Variants in KIDINS220 observed in about 807,000 individuals in gnomAD.
KIDINS220 encodes the protein kinase D-interacting substrate of 220 kDa.
Under a neutral mutation model 157.6 loss-of-function variants are expected in KIDINS220, and 63 were observed. The ratio of observed to expected loss-of-function variants is 0.40; its 90% confidence interval spans 0.33 to 0.49. KIDINS220 has a LOEUF of 0.49. Ranked by LOEUF, KIDINS220 falls within the 20% of genes least tolerant of loss-of-function variation. The pLI is 0.66. For synonymous variants in KIDINS220, 732 were observed against 783.6 expected, an observed-to-expected ratio of 0.93 and a Z score of 1.10; for missense variants, 1,772 against 2,171.2, an observed-to-expected ratio of 0.82 and a Z score of 3.65.
intron 20 of KIDINS220, among the ~76,000 whole-genome samples, chr2:8,777,593 C>G (rs1289529440): frequency 6.6e-6 from 1 of 152,196 alleles, no homozygotes; most frequent in Admixed American, 6.5e-5. Flanking sequence ...GAGCACTGCA[C>G]CTGGCCTGAT....
At chr2:8,829,626 A>T (rs1679321284) in intron 1 of KIDINS220, among the ~76,000 whole-genome samples, 2 of 152,202 alleles carry the variant, frequency 1.3e-5, no homozygotes, top group Admixed American at 1.3e-4. Flanking sequence ...ATGATAGAAG[A>T]AGTGAGGTAA....
chr2:8,820,120 G>A (rs1677711911), intron 2 of KIDINS220, among the ~76,000 whole-genome samples: 1 of 152,138 alleles, frequency 6.6e-6, no homozygotes, highest in Non-Finnish European at 1.5e-5. Flanking sequence ...CAAACCCTGA[G>A]TGACGCGGAG....
chr2:8,814,282 AT>A (rs565757202), intron 4 of KIDINS220, among the ~76,000 whole-genome samples: 34 of 151,110 alleles, frequency 2.3e-4, no homozygotes, highest in Non-Finnish European at 4.0e-4. Flanking sequence ...TTACTAAGGA[AT>A]TTTTTTTTTA....
chr2:8,741,950 T>C (rs1407809037), intron 26 of KIDINS220, among the ~76,000 whole-genome samples: 1 of 152,212 alleles, frequency 6.6e-6, no homozygotes, highest in East Asian at 1.9e-4. Context: ...GCAAAGTCGC[T>C]GAGAGCTGAC....
intron 2 of KIDINS220, among the ~76,000 whole-genome samples, chr2:8,822,245 G>T (rs1437388709): frequency 6.6e-6 from 1 of 151,948 alleles, no homozygotes; most frequent in African/African-American, 2.4e-5. Flanking sequence ...TTTTAAAGCA[G>T]TCCTTCTGGA....
intron 21 of KIDINS220, among the ~76,000 whole-genome samples, chr2:8,772,957 C>T (rs1210815544): frequency 6.6e-6 from 1 of 152,128 alleles, no homozygotes; most frequent in African/African-American, 2.4e-5. Context: ...AAATTCTATC[C>T]TTTCCAATAA....
At position 8,730,722 on chromosome 2, in the gene KIDINS220, A is replaced by G. The variant is rs563165243; in HGVS notation, c.5314T>C (p.Ter1772ArgextTer14). The change falls in exon 30 of 30, where the codon TGA (stop) becomes CGA (arginine). Residue 1772 changes from the stop codon to arginine (R), a stop_lost. Transcript: ENST00000256707. ...CTCTTCTCCTTTGCTTGTTTTTCTC[A>G]AAGAATGCTTTCTCTTTCTTCTCCA... is the stretch of plus-strand genomic sequence containing the variant. ...GFGEERESIL[*>R] 1 of 1,611,608 alleles carries G rather than the reference A, an allele frequency of 6.2e-7. No homozygotes were observed. Among genetic ancestry groups the G allele is most frequent in the South Asian group, 1.1e-5 (1 of 90,760 alleles).
chr2:8,818,746 T>C lies in KIDINS220; in HGVS notation c.156A>G (p.Glu52=). The C allele has an allele frequency of 6.2e-7, 1 of 1,610,728 alleles. No individual in the cohort carries two copies. The highest frequency in any genetic ancestry group is 1.3e-5 in the African/African-American group (1 of 74,950). The part of the protein sequence containing the change: ...LMIAAEQGNL[E]IVKELIKNGA... ...CATTCTTAATTAATTCCTTCACTAT[T>C]TCCAGATTGCCTTGTTCGGCAGCTA... Residue 52 remains glutamate (E), a synonymous_variant, in exon 3 of 30, where the codon GAA becomes GAG. Transcript: ENST00000256707.
chr2:8,825,966 C>T (rs925557849), intron 2 of KIDINS220: 1 of 152,036 alleles, frequency 6.6e-6, no homozygotes, highest in Non-Finnish European at 1.5e-5. Flanking sequence ...CGCCTGTAGT[C>T]CCAACTACTC....
At chr2:8,764,244 G>A (rs1373471314) in intron 22 of KIDINS220, among the ~76,000 whole-genome samples, 1 of 152,110 alleles carries the variant, frequency 6.6e-6, no homozygotes, top group African/African-American at 2.4e-5. Flanking sequence ...GACTCAGAAG[G>A]GACAGGATGG....
chr2:8,741,907 G>C (rs1665676795), intron 26 of KIDINS220, among the ~76,000 whole-genome samples: 1 of 152,198 alleles, frequency 6.6e-6, no homozygotes, highest in African/African-American at 2.4e-5. Flanking sequence ...TTTAAAAAGT[G>C]TGAATGGTGT....
Position 8,744,980 on chromosome 2 carries a change from C to A in KIDINS220, c.3585+2165G>T, listed in dbSNP as rs117853501. 1.4e-4 allele frequency among the ~76,000 whole-genome samples: 22 copies of A among 152,228 alleles called. No individual in the cohort carries two copies. In the East Asian group the frequency reaches 4.2e-3, roughly 29 times the overall value. Reference sequence around the variant, plus strand: ...AAAGTCACTAATATATGCAGAGCACCTTTGTTGAGCTTCTAAACACATCTC... The same window carrying A: ...AAAGTCACTAATATATGCAGAGCACATTTGTTGAGCTTCTAAACACATCTC... On this transcript the variant is annotated intron_variant, in intron 26 of 29. Transcript: ENST00000256707.
At chr2:8,791,577 T>A (rs1245050320) in intron 12 of KIDINS220, among the ~76,000 whole-genome samples, 2 of 152,180 alleles carry the variant, frequency 1.3e-5, no homozygotes, top group Non-Finnish European at 2.9e-5. Flanking sequence ...TTCTTGTCCA[T>A]CACTTACAAG....
intron 26 of KIDINS220, 86 bp downstream of exon 26, chr2:8,747,059 G>A: frequency 1.7e-6 from 2 of 1,186,090 alleles, no homozygotes; most frequent in Non-Finnish European, 2.5e-6. Context: ...GAGTTAGTGA[G>A]CTGCTATCAT....
intron 22 of KIDINS220, 152 bp downstream of exon 22, chr2:8,770,518 T>C (rs1305004842): frequency 2.2e-6 from 1 of 465,000 alleles, no homozygotes; most frequent in Non-Finnish European, 3.7e-6. Context: ...CTAATACAAC[T>C]CCAAAATTAT....
chr2:8,830,802 C>T (rs1285548997), intron 1 of KIDINS220, among the ~76,000 whole-genome samples: 2 of 152,140 alleles, frequency 1.3e-5, no homozygotes, highest in African/African-American at 4.8e-5. Context: ...GCTCTGACTG[C>T]CCAGGCTGGA....
chr2:8,773,873 C>T (rs1226799922), intron 21 of KIDINS220, among the ~76,000 whole-genome samples: 1 of 152,212 alleles, frequency 6.6e-6, no homozygotes, highest in East Asian at 1.9e-4. Flanking sequence ...CCAGAGCCTT[C>T]ACACTTGCTC....
rs11679618 is a variant in KIDINS220 at position 8,831,808 on chromosome 2, C to A, written c.-36-4679G>T. ...ACTTGGTGTTCTAACATAAATGCAA[C>A]AATTTCAAAGAATGCCAACATCAAA... On this transcript the variant is annotated intron_variant, in intron 1 of 29. Coordinates refer to ENST00000256707, the MANE Select transcript of KIDINS220 (RefSeq NM_020738.4). Among the ~76,000 whole-genome samples the A allele has an allele frequency of 5.6e-3, 859 of 152,318 alleles. 7 individuals carry two copies. Among genetic ancestry groups the A allele is most frequent in the Non-Finnish European group, 7.7e-3 (525 of 68,024 alleles).
chr2:8,820,589 T>C (rs1206395396), intron 2 of KIDINS220, among the ~76,000 whole-genome samples: 1 of 152,122 alleles, frequency 6.6e-6, no homozygotes, highest in Non-Finnish European at 1.5e-5. Context: ...CATTCCTATG[T>C]AAGGATGGAT....
Sources: gnomAD v4.1 joint callset for allele counts (sites outside exome capture counted in the v4.1 genomes callset) on GRCh38, gnomAD v4.1.1 for gene constraint, MANE v1.5 for transcripts, NCBI Gene and HGNC (gene_info 2026-07-23, HGNC 2026-07-21) for gene names.